The following SCP2 variants were observed in gnomAD, a reference collection of about 807,000 sequenced individuals.
SCP2 encodes SCP-2/3-oxoacyl-CoA thiolase.
Under a neutral mutation model 71.4 loss-of-function variants are expected in SCP2, and 48 were observed. The observed-to-expected ratio is 0.67, with a 90% CI of 0.53 to 0.86. The LOEUF is 0.86. Ranked by LOEUF, SCP2 falls within the 40% of genes least tolerant of loss-of-function variation. The pLI is 0.00. For missense variants in SCP2, 560 were observed against 655.6 expected (o/e 0.85, Z 1.59); for synonymous variants, 220 against 218.1 (o/e 1.01, Z -0.08).
At chr1:52,994,895 G>T in intron 11 of SCP2, 1 of 512,436 alleles carries the variant, frequency 2.0e-6, no homozygotes, top group Non-Finnish European at 3.9e-6. Flanking sequence ...GCCATAGATG[G>T]CAAATATGTT....
At chr1:53,027,129 T>C (rs941877021) in intron 12 of SCP2, among the ~76,000 whole-genome samples, 2 of 151,918 alleles carry the variant, frequency 1.3e-5, no homozygotes, top group Admixed American at 1.3e-4. Context: ...TATTTAGAAA[T>C]GGTCTGGTTC....
At chr1:53,011,640 C>T (rs1660994829) in intron 11 of SCP2, among the ~76,000 whole-genome samples, 1 of 152,166 alleles carries the variant, frequency 6.6e-6, no homozygotes, top group South Asian at 2.1e-4. Context: ...TTGCATTTGG[C>T]ATCTGAAGTA....
intron 11 of SCP2, among the ~76,000 whole-genome samples, chr1:53,005,167 C>T (rs1013253994): frequency 6.6e-5 from 10 of 152,248 alleles, no homozygotes; most frequent in African/African-American, 1.4e-4. Flanking sequence ...CAACGAGGCC[C>T]GCCTGCCTCT....
Position 53,027,868 on chromosome 1 carries a change from T to C in SCP2, c.1236-101T>C, listed in dbSNP as rs17107639. 0.11 allele frequency: 77,305 copies of C among 690,728 alleles called. 6,926 individuals are homozygous for C. Among genetic ancestry groups the C allele is most frequent in the East Asian group, 0.32 (11,177 of 34,554 alleles). 42.8% of individuals were successfully genotyped at this position (690,728 alleles called of 1,614,324 possible). A position where few individuals can be genotyped will look rare whatever the true frequency, so the allele number is the denominator to read the frequency against. ...TTGGATAAGATTTGCAACATCTCTG[T>C]TCTTAGGGTTTTTGAAAATTTTGAA... On this transcript the variant is annotated intron_variant, in intron 12 of 15. Transcript: ENST00000371514.
chr1:53,022,961 T>C (rs896924674), intron 12 of SCP2, among the ~76,000 whole-genome samples: 1 of 152,196 alleles, frequency 6.6e-6, no homozygotes, highest in Admixed American at 6.5e-5. Flanking sequence ...AGGAAACATA[T>C]ATAAACCAAA....
At position 53,028,643 on chromosome 1, in the gene SCP2, AG is replaced by A. The variant is rs1322814505; in HGVS notation, c.1338+573del. Among the ~76,000 whole-genome samples, 2 of 152,078 alleles carry A rather than the reference AG, an allele frequency of 1.3e-5. 1 individual carries two copies. The highest frequency in any genetic ancestry group is 4.8e-5 in the African/African-American group (2 of 41,356). On this transcript the variant is annotated intron_variant, in intron 13 of 15. Transcript: ENST00000371514. ...CTTTTGTTTTAACCTTTTAAACAAA[AG>A]TTTAAAATCTCCCCAAATTCTGCCA...
chr1:52,999,823 T>G (rs1332918585), intron 11 of SCP2, among the ~76,000 whole-genome samples: 6 of 148,632 alleles, frequency 4.0e-5, no homozygotes, highest in South Asian at 2.2e-4. Flanking sequence ...TTGTTTTTTT[T>G]TTTTTTTTTT....
chr1:52,963,980 T>C (rs1656717820), intron 6 of SCP2, among the ~76,000 whole-genome samples: 1 of 152,150 alleles, frequency 6.6e-6, no homozygotes, highest in African/African-American at 2.4e-5. Context: ...TTATTATAGG[T>C]ACAGAAACAT....
intron 11 of SCP2, among the ~76,000 whole-genome samples, chr1:52,997,984 A>G (rs2150204370): frequency 6.6e-6 from 1 of 152,248 alleles, no homozygotes; most frequent in African/African-American, 2.4e-5. Context: ...ACTTCATATA[A>G]ATGGAATCAT....
At chr1:52,997,014 G>A (rs1659981458) in intron 11 of SCP2, among the ~76,000 whole-genome samples, 1 of 151,780 alleles carries the variant, frequency 6.6e-6, no homozygotes, top group Admixed American at 6.6e-5. Flanking sequence ...TGCTCCAAGA[G>A]CCAAAAATAA....
intron 8 of SCP2, 90 bp from the exon 9 acceptor site, chr1:52,978,127 G>A (rs1243887467): frequency 8.4e-7 from 1 of 1,195,146 alleles, no homozygotes; most frequent in East Asian, 2.3e-5. Context: ...AGCATATTTG[G>A]CCTTTCCTTT....
chr1:53,005,858 G>A (rs1032337578), intron 11 of SCP2, among the ~76,000 whole-genome samples: 2 of 152,016 alleles, frequency 1.3e-5, no homozygotes, highest in Admixed American at 6.6e-5. Flanking sequence ...CAAACCCATC[G>A]CAAAGAAGCT....
At chr1:52,930,896 T>C (rs186462116) in intron 1 of SCP2, among the ~76,000 whole-genome samples, 6 of 152,286 alleles carry the variant, frequency 3.9e-5, no homozygotes, top group African/African-American at 1.4e-4. Flanking sequence ...TTGAAACATA[T>C]ATTCAGTAAA....
At chr1:53,010,718 G>A (rs879645579) in intron 11 of SCP2, among the ~76,000 whole-genome samples, 2 of 152,048 alleles carry the variant, frequency 1.3e-5, no homozygotes, top group African/African-American at 2.4e-5. Context: ...CATGGCACAT[G>A]TATATATATG....
At position 53,050,888 on chromosome 1, in the gene SCP2, A is replaced by G. The variant is rs1391730283; in HGVS notation, c.*184A>G. 4 of 559,092 alleles carry G rather than the reference A, an allele frequency of 7.2e-6. No individual in the cohort carries two copies. Among genetic ancestry groups the G allele is most frequent in the Non-Finnish European group, 1.3e-5 (4 of 311,324 alleles). 34.6% of individuals were successfully genotyped at this position (559,092 alleles called of 1,614,324 possible). A position where few individuals can be genotyped will look rare whatever the true frequency, so the allele number is the denominator to read the frequency against. Reference sequence around the variant, plus strand: ...CTGGGTGAATAGAGCCTGATGGTATACTACTGCTTTGCGGAATTGCATACA... The same window carrying G: ...CTGGGTGAATAGAGCCTGATGGTATGCTACTGCTTTGCGGAATTGCATACA... On this transcript the variant is annotated 3_prime_UTR_variant, in exon 16 of 16. Transcript: ENST00000371514.
At chr1:52,994,810 G>A (rs1659806221) in intron 11 of SCP2, 1 of 532,226 alleles carries the variant, frequency 1.9e-6, no homozygotes, top group East Asian at 4.8e-5. Context: ...TGATGAACGT[G>A]AAATCGACCC....
At chr1:53,030,606 T>G (rs1662468805) in intron 13 of SCP2, among the ~76,000 whole-genome samples, 1 of 152,028 alleles carries the variant, frequency 6.6e-6, no homozygotes, top group Non-Finnish European at 1.5e-5. Context: ...TAAAAAAATC[T>G]CTGGGCTGGG....
chr1:53,047,015 G>A (rs1404325601), intron 14 of SCP2, among the ~76,000 whole-genome samples: 1 of 152,234 alleles, frequency 6.6e-6, no homozygotes, highest in Admixed American at 6.5e-5. Context: ...CTTTTGGCCA[G>A]GGCTGGGCTC....
intron 11 of SCP2, among the ~76,000 whole-genome samples, chr1:53,007,196 C>T (rs1193828892): frequency 1.3e-5 from 2 of 152,028 alleles, no homozygotes; most frequent in African/African-American, 4.8e-5. Context: ...ACTTTAATAC[C>T]CCACTGTCAA....
Sources: gnomAD v4.1 joint callset for allele counts (sites outside exome capture counted in the v4.1 genomes callset) on GRCh38, gnomAD v4.1.1 for gene constraint, MANE v1.5 for transcripts, NCBI Gene and HGNC (gene_info 2026-07-23, HGNC 2026-07-21) for gene names.